ADCY2: variants seen among roughly 807,000 people sequenced by gnomAD.
ADCY2 encodes the protein adenylate cyclase type 2.
In ADCY2, 31 loss-of-function variants were observed where a neutral mutation model predicts 125.2. The ratio of observed to expected loss-of-function variants is 0.25; its 90% CI spans 0.19 to 0.33. The LOEUF is 0.33. ADCY2 is among the 10% of genes least tolerant of loss of function. The probability of loss-of-function intolerance (pLI) is 1.00; values close to 1 mark genes in which losing one functional copy is unlikely to be tolerated. For synonymous variants in ADCY2, 512 were observed against 548.4 expected (o/e 0.93, Z 0.93); for missense variants, 904 against 1,418.2 (o/e 0.64, Z 5.82).
intron 3 of ADCY2, among the ~76,000 whole-genome samples, chr5:7,603,815 G>GTTTTGT (rs1737310878): frequency 1.5e-5 from 1 of 68,458 alleles, no homozygotes; most frequent in Non-Finnish European, 2.9e-5. Flanking sequence ...TTTTTCTTTT[G>GTTTTGT]TTTTTTTTTT....
intron 1 of ADCY2, among the ~76,000 whole-genome samples, chr5:7,404,721 C>T (rs1256066560): frequency 6.6e-6 from 1 of 152,208 alleles, no homozygotes; most frequent in East Asian, 1.9e-4. Flanking sequence ...TGACTGGAAA[C>T]ACCACCATCA....
rs1024044132 is a variant in ADCY2 at position 7,646,452 on chromosome 5, A to G, written c.720+20136A>G. ...CTTTAAAGGAGAAAATTAGATTTTT[A>G]TATTCATCAAAGAGGATTATGGGTT... On this transcript the variant is annotated intron_variant, in intron 4 of 24. Coordinates refer to ENST00000338316, the MANE Select transcript of ADCY2 (RefSeq NM_020546.3). 3.3e-5 allele frequency among the ~76,000 whole-genome samples: 5 copies of G among 152,090 alleles called. No homozygotes were observed. The East Asian group carries it at 5.8e-4, about 18-fold the overall frequency.
intron 2 of ADCY2, among the ~76,000 whole-genome samples, chr5:7,452,069 T>C (rs972881882): frequency 1.3e-5 from 2 of 151,892 alleles, no homozygotes; most frequent in Non-Finnish European, 2.9e-5. Context: ...CACCACCACA[T>C]TTGGCTAATT....
At chr5:7,532,404 A>T (rs1734679396) in intron 3 of ADCY2, among the ~76,000 whole-genome samples, 1 of 152,196 alleles carries the variant, frequency 6.6e-6, no homozygotes, top group African/African-American at 2.4e-5. Context: ...GTAAGTAGTC[A>T]TGTCATTTTC....
At chr5:7,692,499 T>G (rs1740735450) in intron 5 of ADCY2, among the ~76,000 whole-genome samples, 2 of 152,210 alleles carry the variant, frequency 1.3e-5, no homozygotes, top group African/African-American at 2.4e-5. Context: ...TAAAATTATT[T>G]AAAATACTGG....
chr5:7,584,900 A>G (rs1189774523), intron 3 of ADCY2, among the ~76,000 whole-genome samples: 5 of 152,230 alleles, frequency 3.3e-5, no homozygotes, highest in Non-Finnish European at 7.4e-5. Context: ...TTATACCTTC[A>G]CTATTGAAAG....
intron 22 of ADCY2, among the ~76,000 whole-genome samples, chr5:7,807,318 A>G (rs900072702): frequency 6.6e-6 from 1 of 152,098 alleles, no homozygotes; most frequent in Non-Finnish European, 1.5e-5. Context: ...CACTGCCTTT[A>G]TCTTTCACCT....
At chr5:7,660,392 T>C (rs971033083) in intron 4 of ADCY2, among the ~76,000 whole-genome samples, 2 of 152,156 alleles carry the variant, frequency 1.3e-5, no homozygotes, top group African/African-American at 4.8e-5. Flanking sequence ...GACAGGGTTG[T>C]TGACTCTGAT....
chr5:7,691,623 A>G (rs1366088756), intron 5 of ADCY2: 1 of 152,152 alleles, frequency 6.6e-6, no homozygotes, highest in Non-Finnish European at 1.5e-5. Context: ...AGCGAGGCCC[A>G]CCCAGACCGT....
chr5:7,740,581 G>A (rs891771646), intron 14 of ADCY2, among the ~76,000 whole-genome samples: 1 of 151,802 alleles, frequency 6.6e-6, no homozygotes, highest in Non-Finnish European at 1.5e-5. Flanking sequence ...CATCCCAGAA[G>A]AAAAATAAAT....
In ADCY2 at chr5:7,782,703, G is replaced by A. The variant is rs183165835; in HGVS notation, c.2385-1662G>A. Among the ~76,000 whole-genome samples, 294 of 152,310 alleles carry A rather than the reference G, an allele frequency of 1.9e-3. 3 individuals carry two copies. The highest frequency in any genetic ancestry group is 6.9e-3 in the African/African-American group (287 of 41,574). On this transcript the variant is annotated intron_variant, in intron 18 of 24. Coordinates refer to ENST00000338316, the MANE Select transcript of ADCY2 (RefSeq NM_020546.3). ...TAAAAACTCAGCCTACATTAGCTTC[G>A]TAGGATGTTAGCTGTGTGGTACCAC... is the stretch of plus-strand genomic sequence containing the variant.
At chr5:7,548,800 C>T (rs1432218879) in intron 3 of ADCY2, among the ~76,000 whole-genome samples, 1 of 152,082 alleles carries the variant, frequency 6.6e-6, no homozygotes, top group African/African-American at 2.4e-5. Context: ...TGCCTAGAAC[C>T]CCAAAGCCAT....
intron 16 of ADCY2, among the ~76,000 whole-genome samples, chr5:7,758,609 C>T (rs765869282): frequency 6.6e-6 from 1 of 152,060 alleles, no homozygotes; most frequent in East Asian, 1.9e-4. Flanking sequence ...ATGCTCAGAC[C>T]CCAAAGACAG....
In ADCY2 at chr5:7,709,323, AG is replaced by A. The variant is rs1486269792; in HGVS notation, c.1515del (p.Lys505AsnfsTer12). On this transcript the variant is annotated frameshift_variant, in exon 10 of 25. Transcript: ENST00000338316. LOFTEE classifies it high-confidence loss of function. The surrounding 1 kb of genome is among the most constrained non-coding windows in gnomAD (Gnocchi z 4.4). ...TRYLESWGAA[K>X]PFAHLHHRDS... is the part of the protein sequence containing the mutation. ...TACTTGGAGTCCTGGGGGGCAGCCA[AG>A]CCCTTTGCACACCTACATCACAGGG... 1 of 1,613,682 alleles carries A rather than the reference AG, an allele frequency of 6.2e-7. No homozygotes were observed. Among genetic ancestry groups the A allele is most frequent in the Admixed American group, 1.7e-5 (1 of 59,948 alleles).
intron 3 of ADCY2, among the ~76,000 whole-genome samples, chr5:7,556,785 G>A (rs1225953381): frequency 6.6e-6 from 1 of 152,062 alleles, no homozygotes; most frequent in Non-Finnish European, 1.5e-5. Flanking sequence ...TGAACTGCAC[G>A]TGCAAGGGAT....
intron 15 of ADCY2, among the ~76,000 whole-genome samples, chr5:7,751,251 T>TAG (rs1742805146): frequency 1.3e-5 from 2 of 152,184 alleles, no homozygotes; most frequent in Non-Finnish European, 2.9e-5. Context: ...ATCCCTCTTT[T>TAG]GTTACTTTAA....
At chr5:7,584,306 G>A (rs1736545691) in intron 3 of ADCY2, among the ~76,000 whole-genome samples, 1 of 151,980 alleles carries the variant, frequency 6.6e-6, no homozygotes, top group Non-Finnish European at 1.5e-5. Flanking sequence ...AAAAAAATAA[G>A]TTTTAAAGAT....
chr5:7,514,267 T>C (rs1330550910), intron 2 of ADCY2, among the ~76,000 whole-genome samples: 1 of 152,212 alleles, frequency 6.6e-6, no homozygotes, highest in African/African-American at 2.4e-5. Flanking sequence ...CTGATGTGTG[T>C]AGAATCAAGT....
intron 2 of ADCY2, among the ~76,000 whole-genome samples, chr5:7,518,081 C>A (rs1176468123): frequency 6.6e-6 from 1 of 152,190 alleles, no homozygotes; most frequent in East Asian, 1.9e-4. Flanking sequence ...AAATAAATTT[C>A]ATTTGCTCAA....
Sources: allele counts gnomAD v4.1 joint callset (sites outside exome capture counted in the v4.1 genomes callset), GRCh38; gene constraint gnomAD v4.1.1; non-coding constraint Gnocchi (gnomAD v3.1); transcripts MANE v1.5; gene names NCBI Gene and HGNC (gene_info 2026-07-23, HGNC 2026-07-21).